TLN2: variants seen among roughly 807,000 people sequenced by gnomAD.
TLN2 encodes talin 2.
A neutral mutation model predicts 294.7 loss-of-function variants in TLN2; 118 were observed. The observed-to-expected ratio is 0.40, with a 90% CI of 0.34 to 0.47. The LOEUF (loss-of-function observed/expected upper bound fraction) is 0.47. Ranked by LOEUF, TLN2 falls within the 20% of genes least tolerant of loss-of-function variation. TLN2 has a pLI of 0.84. For missense variants in TLN2, 3,083 were observed against 3,282.2 expected (o/e 0.94, Z 1.48); for synonymous variants, 1,431 against 1,304.5 (o/e 1.10, Z -2.09).
chr15:62,599,444 A>G (rs986291691), intron 2 of TLN2, among the ~76,000 whole-genome samples: 1 of 152,210 alleles, frequency 6.6e-6, no homozygotes, highest in East Asian at 1.9e-4. Context: ...TGTAATCTGT[A>G]TGTGACAGCT....
At chr15:62,416,985 G>A (rs570724044) in intron 1 of TLN2, among the ~76,000 whole-genome samples, 1 of 152,194 alleles carries the variant, frequency 6.6e-6, no homozygotes, top group African/African-American at 2.4e-5. Flanking sequence ...AGAACATCCC[G>A]GCCAGCAGTT....
At chr15:62,671,746 T>C (rs943144578) in intron 9 of TLN2, among the ~76,000 whole-genome samples, 2 of 152,222 alleles carry the variant, frequency 1.3e-5, no homozygotes, top group Non-Finnish European at 2.9e-5. Context: ...TTTTCACCAC[T>C]ACTACCAAAC....
chr15:62,598,569 A>G (rs1044328414), intron 2 of TLN2, among the ~76,000 whole-genome samples: 2 of 152,126 alleles, frequency 1.3e-5, no homozygotes, highest in Admixed American at 1.3e-4. Flanking sequence ...GGTAAATGGG[A>G]AAAGGTGTTT....
intron 32 of TLN2, 81 bp downstream of exon 32, chr15:62,740,850 CTT>C: frequency 6.4e-7 from 1 of 1,574,648 alleles, no homozygotes; most frequent in Non-Finnish European, 8.7e-7. Context: ...CATCCTCCCA[CTT>C]TTGCTGAGCA....
At chr15:62,839,042 G>A in intron 58 of TLN2, 61 bp downstream of exon 58, 1 of 1,575,886 alleles carries the variant, frequency 6.3e-7, no homozygotes, top group Non-Finnish European at 8.6e-7. Context: ...TTATAACAGA[G>A]ACAAAAGAAT....
intron 1 of TLN2, among the ~76,000 whole-genome samples, chr15:62,456,638 C>T (rs1005555743): frequency 2.6e-5 from 4 of 152,204 alleles, no homozygotes; most frequent in African/African-American, 9.7e-5. Flanking sequence ...GTGTAGGAGA[C>T]ACAGAGCTGA....
chr15:62,793,675 T>A (rs965300670), intron 46 of TLN2, among the ~76,000 whole-genome samples: 3 of 152,102 alleles, frequency 2.0e-5, no homozygotes, highest in Non-Finnish European at 4.4e-5. Flanking sequence ...TCCCCCAGTA[T>A]GCGAGTCTTT....
chr15:62,819,461 C>T (rs2067379808), intron 52 of TLN2, 55 bp from the exon 53 acceptor site: 1 of 1,445,750 alleles, frequency 6.9e-7, no homozygotes, highest in Non-Finnish European at 9.7e-7. Flanking sequence ...GTGCTTCTTT[C>T]CTGTCCCAGT....
intron 42 of TLN2, among the ~76,000 whole-genome samples, chr15:62,772,929 G>T (rs1373545477): frequency 6.6e-6 from 1 of 152,058 alleles, no homozygotes; most frequent in Non-Finnish European, 1.5e-5. Flanking sequence ...CTCCCAAAGT[G>T]CTGGGATTAC....
chr15:62,755,933 C>T (rs1856630250), intron 37 of TLN2, among the ~76,000 whole-genome samples: 1 of 152,194 alleles, frequency 6.6e-6, no homozygotes, highest in Admixed American at 6.5e-5. Flanking sequence ...TCCCCAAATT[C>T]TGTACATGAG....
chr15:62,800,867 AAACACCTG>A, intron 50 of TLN2, 98 bp downstream of exon 50: 2 of 957,152 alleles, frequency 2.1e-6, no homozygotes. Context: ...GTTTTACCTA[AAACACCTG>A]AACTGAGAAT....
rs138418278 is a variant in TLN2 at position 62,771,390 on chromosome 15, G to A, written c.5367+256G>A. 1.5e-3 allele frequency among the ~76,000 whole-genome samples: 231 copies of A among 152,318 alleles called. 1 individual carries two copies. Among genetic ancestry groups the A allele is most frequent in the African/African-American group, 5.5e-3 (229 of 41,574 alleles). ...CTTGGGGAAGAAAAATGTATGGTGC[G>A]ATGATTACAGGAATGAAAACTGTAA... On this transcript the variant is annotated intron_variant, in intron 42 of 58. Transcript: ENST00000636159.
chr15:62,556,094 G>A (rs1033343725), intron 1 of TLN2, among the ~76,000 whole-genome samples: 11 of 151,420 alleles, frequency 7.3e-5, no homozygotes, highest in African/African-American at 2.7e-4. Flanking sequence ...CTTCTCATCT[G>A]GGAAATGGTA....
rs71287048 is a variant in TLN2 at position 62,710,720 on chromosome 15, C to CTTTTTT, written c.2468-1171_2468-1166dup. ...TTTCATCAGTTTTTCTGCTGATGTC[C>CTTTTTT]TTTTTTTTTTTTTTTTTTTTTTTTT... On this transcript the variant is annotated intron_variant, in intron 21 of 58. Transcript: ENST00000636159. 4.5e-3 allele frequency among the ~76,000 whole-genome samples: 344 copies of CTTTTTT among 77,054 alleles called. 1 individual carries two copies. The highest frequency in any genetic ancestry group is 5.3e-3 in the East Asian group (10 of 1,884). The allele number at this position is 77,054 out of a possible 152,430, so 50.6% of individuals were successfully genotyped here. A position where few individuals can be genotyped will look rare whatever the true frequency, so the allele number is the denominator to read the frequency against.
rs775253280 is a variant in TLN2 at position 62,652,151 on chromosome 15, C to T, written c.364+17C>T. 1 of 1,507,970 alleles carries T rather than the reference C, an allele frequency of 6.6e-7. No homozygotes were observed. The highest frequency in any genetic ancestry group is 8.9e-7 in the Non-Finnish European group (1 of 1,124,624). 93.4% of individuals were successfully genotyped at this position (1,507,970 alleles called of 1,614,324 possible). ...GCAGAATAGGTGAGCATTCATACAC[C>T]TTCATTATGTCTTTTTGCTTAGTTT... On this transcript the variant is annotated intron_variant, in intron 6 of 58. Transcript: ENST00000636159.
chr15:62,713,271 C>CAAAAAAAA (rs541064329), intron 22 of TLN2, among the ~76,000 whole-genome samples: 1 of 111,520 alleles, frequency 9.0e-6, no homozygotes, highest in African/African-American at 3.5e-5. Context: ...ACCTGCGTCT[C>CAAAAAAAA]AAAAAAAAAA....
chr15:62,584,809 A>G (rs2045452127), intron 1 of TLN2, among the ~76,000 whole-genome samples: 1 of 152,206 alleles, frequency 6.6e-6, no homozygotes, highest in East Asian at 1.9e-4. Context: ...CTTGGATTTT[A>G]TGATTTTGAA....
intron 11 of TLN2, among the ~76,000 whole-genome samples, chr15:62,678,513 A>G (rs11071683): frequency 0.32 from 48,748 of 152,150 alleles, 8,280 homozygotes; most frequent in East Asian, 0.68. Flanking sequence ...CATTAGTATC[A>G]TACTTAATAG....
intron 54 of TLN2, chr15:62,827,604 A>G (rs1377178863): frequency 6.6e-6 from 1 of 152,212 alleles, no homozygotes; most frequent in Non-Finnish European, 1.5e-5. Flanking sequence ...GTGCCCATCT[A>G]TGCTGTTTGG....
Sources: allele counts gnomAD v4.1 joint callset (sites outside exome capture counted in the v4.1 genomes callset), GRCh38; gene constraint gnomAD v4.1.1; transcripts MANE v1.5; gene names NCBI Gene and HGNC (gene_info 2026-07-23, HGNC 2026-07-21).